Variants in LINGO2 observed in about 807,000 individuals in gnomAD.
LINGO2 encodes leucine-rich repeat and immunoglobulin-like domain-containing nogo receptor-interacting protein 2.
Under a neutral mutation model 30.6 loss-of-function variants are expected in LINGO2, and 14 were observed. That is an observed-to-expected ratio of 0.46 (90% CI 0.30 to 0.72). The LOEUF (loss-of-function observed/expected upper bound fraction) is 0.72. Among genes scored for constraint, LINGO2 ranks in the 30% least tolerant of loss-of-function variants. The pLI, the probability that LINGO2 is intolerant of heterozygous loss-of-function variation, is 0.07. For synonymous variants in LINGO2, 317 were observed against 288.5 expected (o/e 1.10, Z -1.00); for missense variants, 729 against 751.7 (o/e 0.97, Z 0.35).
At chr9:29,105,277 T>C in the LINGO2 span, among the ~76,000 whole-genome samples, 2 of 152,174 alleles carry the variant, frequency 1.3e-5, no homozygotes, top group Admixed American at 6.5e-5. Context: ...TGAGACATAA[T>C]TTAAATTGTC....
chr9:28,590,819 A>G (rs1824856379), intron 1 of LINGO2, among the ~76,000 whole-genome samples: 1 of 152,176 alleles, frequency 6.6e-6, no homozygotes, highest in South Asian at 2.1e-4. Context: ...TATATACCCA[A>G]AGGATTATAA....
At chr9:29,205,738 C>G in the LINGO2 span, among the ~76,000 whole-genome samples, 1 of 152,170 alleles carries the variant, frequency 6.6e-6, no homozygotes, top group South Asian at 2.1e-4. Context: ...TGATTTGCCA[C>G]ATAATTCAAA....
At chr9:28,353,683 G>T (rs1279822235) in intron 3 of LINGO2, among the ~76,000 whole-genome samples, 2 of 152,104 alleles carry the variant, frequency 1.3e-5, no homozygotes, top group Admixed American at 1.3e-4. Flanking sequence ...AAATCATGCT[G>T]CTATAAAGAC....
the LINGO2 span, among the ~76,000 whole-genome samples, chr9:29,182,605 A>G: frequency 5.3e-5 from 8 of 152,306 alleles, no homozygotes; most frequent in South Asian, 1.4e-3. Flanking sequence ...AAGTGAATCA[A>G]AGGTGGGCCA....
At chr9:29,034,453 G>A in the LINGO2 span, among the ~76,000 whole-genome samples, 156 of 152,196 alleles carry the variant, frequency 1.0e-3, no homozygotes, top group African/African-American at 3.2e-3. Context: ...CCAGCAAACT[G>A]TAAGCATTTG....
At chr9:28,634,485 CTTTTTTTTTTTTT>C (rs755583837) in intron 1 of LINGO2, among the ~76,000 whole-genome samples, 1 of 124,672 alleles carries the variant, frequency 8.0e-6, no homozygotes. Flanking sequence ...TTCTTTTTTT[CTTTTTTTTTTTTT>C]TTTTTGAAAT....
At chr9:28,048,626 TTC>T (rs1824530479) in intron 4 of LINGO2, among the ~76,000 whole-genome samples, 1 of 150,852 alleles carries the variant, frequency 6.6e-6, no homozygotes, top group African/African-American at 2.4e-5. Flanking sequence ...GGTAATTTTA[TTC>T]TCTAGAATTT....
chr9:28,049,532 AAT>A (rs1174298733), intron 4 of LINGO2, among the ~76,000 whole-genome samples: 2 of 150,554 alleles, frequency 1.3e-5, no homozygotes, highest in South Asian at 2.1e-4. Flanking sequence ...GTGAGTAAGA[AAT>A]ATGTTTGCAG....
At chr9:28,415,564 G>T (rs970919543) in intron 2 of LINGO2, among the ~76,000 whole-genome samples, 3 of 151,968 alleles carry the variant, frequency 2.0e-5, no homozygotes, top group African/African-American at 7.3e-5. Flanking sequence ...TCCAATTCAG[G>T]GTCTCTGAAT....
chr9:28,111,205 G>A (rs1826774658), intron 4 of LINGO2, among the ~76,000 whole-genome samples: 1 of 151,996 alleles, frequency 6.6e-6, no homozygotes, highest in African/African-American at 2.4e-5. Context: ...ATGCACACAG[G>A]GAGGGGAACA....
the LINGO2 span, among the ~76,000 whole-genome samples, chr9:28,789,635 G>GA: frequency 4.7e-3 from 711 of 152,130 alleles, 4 homozygotes; most frequent in African/African-American, 0.017. Flanking sequence ...GGTTAATTTA[G>GA]AAAAAATTAA....
At chr9:28,876,064 C>A in the LINGO2 span, among the ~76,000 whole-genome samples, 2 of 151,926 alleles carry the variant, frequency 1.3e-5, no homozygotes, top group East Asian at 3.9e-4. Flanking sequence ...ATTTTTTAAA[C>A]CATGTTAACA....
At chr9:28,848,180 C>CTATATATAGTATATATAT in the LINGO2 span, among the ~76,000 whole-genome samples, 3 of 85,386 alleles carry the variant, frequency 3.5e-5, no homozygotes, top group African/African-American at 1.8e-4. Flanking sequence ...TATATATACA[C>CTATATATAGTATATATAT]ACTATATATA....
chr9:29,063,697 G>A, the LINGO2 span, among the ~76,000 whole-genome samples: 591 of 152,068 alleles, frequency 3.9e-3, 2 homozygotes, highest in African/African-American at 0.014. Flanking sequence ...AACTGCACCC[G>A]GCCCTGATTC....
At chr9:29,087,628 T>C in the LINGO2 span, among the ~76,000 whole-genome samples, 1 of 152,172 alleles carries the variant, frequency 6.6e-6, no homozygotes, top group Admixed American at 6.5e-5. Context: ...ATGTCTTATC[T>C]CTTAATCTTT....
At chr9:28,041,514 T>C (rs1824195488) in intron 4 of LINGO2, among the ~76,000 whole-genome samples, 1 of 152,170 alleles carries the variant, frequency 6.6e-6, no homozygotes, top group Admixed American at 6.5e-5. Flanking sequence ...AAGAGCTACT[T>C]AGAGGAAAAT....
At chr9:28,462,414 T>TA (rs61677547) in intron 2 of LINGO2, among the ~76,000 whole-genome samples, 34,125 of 88,734 alleles carry the variant, frequency 0.38, 6,525 homozygotes, top group Non-Finnish European at 0.47. Context: ...ATGCTCTAGC[T>TA]AAAAAAAAAA....
chr9:28,784,865 T>G, the LINGO2 span, among the ~76,000 whole-genome samples: 1 of 151,120 alleles, frequency 6.6e-6, no homozygotes, highest in Non-Finnish European at 1.5e-5. Flanking sequence ...GGAGAATTGC[T>G]GGAACTTGGG....
chr9:29,037,082 T>G, the LINGO2 span, among the ~76,000 whole-genome samples: 1 of 151,798 alleles, frequency 6.6e-6, no homozygotes, highest in African/African-American at 2.4e-5. Flanking sequence ...TGCTTACTCT[T>G]TTTTTTGTCT....
Sources: allele counts gnomAD v4.1 joint callset (sites outside exome capture counted in the v4.1 genomes callset), GRCh38; gene constraint gnomAD v4.1.1; transcripts MANE v1.5; gene names NCBI Gene and HGNC (gene_info 2026-07-23, HGNC 2026-07-21).